The following NPAS3 variants were observed in gnomAD, a reference collection of about 807,000 sequenced individuals.
NPAS3 encodes neuronal PAS domain protein 3.
In NPAS3, 14 loss-of-function variants were observed where a neutral mutation model predicts 73.1. The observed-to-expected ratio is 0.19, with a 90% CI of 0.13 to 0.30. NPAS3 has a LOEUF of 0.30. Ranked by LOEUF, NPAS3 falls within the 10% of genes least tolerant of loss-of-function variation. The pLI is 1.00. For synonymous variants in NPAS3, 620 were observed against 541.5 expected, an observed-to-expected ratio of 1.14 and a Z score of -2.01; for missense variants, 1,096 against 1,250.0, an observed-to-expected ratio of 0.88 and a Z score of 1.86.
intron 3 of NPAS3, among the ~76,000 whole-genome samples, chr14:33,364,069 C>T (rs981141837): frequency 6.6e-6 from 1 of 151,960 alleles, no homozygotes; most frequent in African/African-American, 2.4e-5. Flanking sequence ...GTGACCCGTT[C>T]GGCAATAGTA....
At chr14:33,223,175 G>T (rs186296993) in intron 3 of NPAS3, among the ~76,000 whole-genome samples, 2 of 152,138 alleles carry the variant, frequency 1.3e-5, no homozygotes, top group African/African-American at 4.8e-5. Flanking sequence ...GCCAGGTGTC[G>T]TGGCAAGTGC....
chr14:33,650,083 T>A (rs2058947094), intron 5 of NPAS3, among the ~76,000 whole-genome samples: 1 of 152,200 alleles, frequency 6.6e-6, no homozygotes, highest in South Asian at 2.1e-4. Context: ...ACCAGGAGGA[T>A]GTGTTTTTAA....
chr14:33,793,855 C>A (rs759653604), intron 9 of NPAS3, 42 bp from the exon 10 acceptor site: 50 of 1,559,776 alleles, frequency 3.2e-5, no homozygotes, highest in Non-Finnish European at 4.2e-5. Flanking sequence ...TTATTTGATC[C>A]CAGTCTTAAT....
intron 2 of NPAS3, among the ~76,000 whole-genome samples, chr14:33,145,683 T>C (rs898489030): frequency 6.6e-6 from 1 of 152,186 alleles, no homozygotes; most frequent in African/African-American, 2.4e-5. Context: ...ATGATAAGTT[T>C]TGCTATGTAC....
chr14:32,946,484 A>G (rs878937751), intron 1 of NPAS3, among the ~76,000 whole-genome samples: 1 of 152,104 alleles, frequency 6.6e-6, no homozygotes, highest in Non-Finnish European at 1.5e-5. Context: ...TTCTTTAACA[A>G]AAGCTGTACT....
chr14:33,211,535 C>T (rs1012361461), intron 2 of NPAS3, among the ~76,000 whole-genome samples: 2 of 152,116 alleles, frequency 1.3e-5, no homozygotes, highest in African/African-American at 4.8e-5. Flanking sequence ...ACCTGGGTGA[C>T]AGAGTGGGAC....
chr14:33,790,809 C>G (rs951990884), intron 9 of NPAS3, among the ~76,000 whole-genome samples: 1 of 152,176 alleles, frequency 6.6e-6, no homozygotes, highest in African/African-American at 2.4e-5. Flanking sequence ...GCTGGGATTA[C>G]AAGTGCACAC....
At chr14:32,974,419 G>A (rs1447836680) in intron 1 of NPAS3, among the ~76,000 whole-genome samples, 3 of 152,176 alleles carry the variant, frequency 2.0e-5, no homozygotes. Flanking sequence ...GGATAGTTGA[G>A]GTGTTTGGTG....
chr14:33,480,476 G>A (rs965623234), intron 4 of NPAS3, among the ~76,000 whole-genome samples: 1 of 151,658 alleles, frequency 6.6e-6, no homozygotes, highest in African/African-American at 2.4e-5. Flanking sequence ...CCAAGGCAGT[G>A]AATTCATATT....
intron 5 of NPAS3, among the ~76,000 whole-genome samples, chr14:33,588,273 A>G (rs2056938211): frequency 6.6e-6 from 1 of 152,154 alleles, no homozygotes; most frequent in Admixed American, 6.5e-5. Context: ...AGCAGGTGTG[A>G]TATGAACATA....
chr14:32,971,373 C>G (rs938861741), intron 1 of NPAS3, among the ~76,000 whole-genome samples: 3 of 152,166 alleles, frequency 2.0e-5, no homozygotes, highest in Non-Finnish European at 4.4e-5. Context: ...GTGTGAGCCA[C>G]CACGCCTGGC....
intron 5 of NPAS3, among the ~76,000 whole-genome samples, chr14:33,569,910 A>G (rs1383582654): frequency 6.6e-6 from 1 of 152,232 alleles, no homozygotes; most frequent in Non-Finnish European, 1.5e-5. Flanking sequence ...TATCTATGGT[A>G]AAGATCTGGC....
intron 2 of NPAS3, among the ~76,000 whole-genome samples, chr14:33,069,456 G>C (rs182328583): frequency 6.6e-6 from 1 of 152,292 alleles, no homozygotes; most frequent in East Asian, 1.9e-4. Flanking sequence ...TTGCATTTGA[G>C]CAGTGCGGAA....
chr14:33,362,393 G>C (rs558276627), intron 3 of NPAS3, among the ~76,000 whole-genome samples: 7 of 152,136 alleles, frequency 4.6e-5, no homozygotes, highest in Non-Finnish European at 1.0e-4. Context: ...ATGAACTTCT[G>C]GGGCTCCTGA....
intron 11 of NPAS3, 73 bp from the exon 12 acceptor site, chr14:33,799,661 C>A: frequency 2.0e-6 from 3 of 1,511,842 alleles, no homozygotes; most frequent in South Asian, 2.5e-5. Flanking sequence ...CAGGCTGGGT[C>A]GCCCCGCTAA....
chr14:33,276,019 G>T (rs1169942664), intron 3 of NPAS3, among the ~76,000 whole-genome samples: 1 of 152,024 alleles, frequency 6.6e-6, no homozygotes, highest in African/African-American at 2.4e-5. Flanking sequence ...CCCTACTGGG[G>T]TACTCTATAT....
chr14:33,236,769 C>T (rs1180161071), intron 3 of NPAS3, among the ~76,000 whole-genome samples: 3 of 151,994 alleles, frequency 2.0e-5, no homozygotes, highest in Non-Finnish European at 2.9e-5. Context: ...TTCCACAGGT[C>T]TTAAGAAAAT....
At chr14:33,452,774 CAAAAAAA>C (rs61640170) in intron 4 of NPAS3, among the ~76,000 whole-genome samples, 8,289 of 53,560 alleles carry the variant, frequency 0.15, 247 homozygotes, top group South Asian at 0.27. Context: ...GACTCTGTCT[CAAAAAAA>C]AAAAAAAAAA....
intron 5 of NPAS3, among the ~76,000 whole-genome samples, chr14:33,591,158 C>G (rs1389441205): frequency 6.6e-6 from 1 of 152,166 alleles, no homozygotes; most frequent in African/African-American, 2.4e-5. Context: ...TCACTTCTCC[C>G]TTTGTTTTAA....
Sources: allele counts gnomAD v4.1 joint callset (sites outside exome capture counted in the v4.1 genomes callset), GRCh38; gene constraint gnomAD v4.1.1; transcripts MANE v1.5; gene names NCBI Gene and HGNC (gene_info 2026-07-23, HGNC 2026-07-21).